The following SLC16A1 variants were observed in gnomAD, a reference collection of about 807,000 sequenced individuals.
The protein encoded by SLC16A1 is monocarboxylate transporter 1.
A neutral mutation model predicts 32.2 loss-of-function variants in SLC16A1; 11 were observed. The ratio of observed to expected loss-of-function variants is 0.34; its 90% CI spans 0.21 to 0.56. The LOEUF is 0.56. SLC16A1 is among the 20% of genes least tolerant of loss of function. The pLI is 0.87. For missense variants in SLC16A1, 435 were observed against 615.0 expected (o/e 0.71, Z 3.10); for synonymous variants, 231 against 226.8 (o/e 1.02, Z -0.17).
intron 1 of SLC16A1, chr1:112,955,450 C>T (rs1192194453): frequency 6.6e-6 from 1 of 152,282 alleles, no homozygotes; most frequent in African/African-American, 2.4e-5. Context: ...GCTGCCCCGT[C>T]CCCTCCGCAA....
At chr1:112,950,418 G>C (rs1049597186) in intron 1 of SLC16A1, among the ~76,000 whole-genome samples, 22 of 152,118 alleles carry the variant, frequency 1.4e-4, no homozygotes, top group Admixed American at 1.4e-3. Context: ...AAAATCAGAA[G>C]GAAGACATAT....
chr1:112,914,177 A>C lies in SLC16A1; in HGVS notation c.1229-12T>G, dbSNP rs767004172. ...GTCATTGAGCCGACCTAAATATGTA[A>C]AACAACACAAACAGTTGTTTCTAAG... On this transcript the variant is annotated splice_polypyrimidine_tract_variant and intron_variant, in intron 4 of 4. Transcript: ENST00000369626. The C allele has an allele frequency of 4.3e-6, 7 of 1,614,100 alleles. No individual in the cohort carries two copies. The South Asian group carries it at 6.6e-5, about 15-fold the overall frequency.
chr1:112,944,818 G>C (rs150585728), intron 1 of SLC16A1, among the ~76,000 whole-genome samples: 181 of 151,998 alleles, frequency 1.2e-3, no homozygotes, highest in African/African-American at 4.2e-3. Flanking sequence ...TAAGCCCCAC[G>C]AGTAGCTGGG....
chr1:112,917,016 A>G lies in SLC16A1; in HGVS notation c.1228+162T>C. The G allele has an allele frequency of 1.2e-6, 1 of 863,330 alleles. No individual in the cohort carries two copies. The highest frequency in any genetic ancestry group is 2.0e-5 in the Admixed American group (1 of 49,200). 53.5% of individuals were successfully genotyped at this position (863,330 alleles called of 1,614,324 possible). ...TCCATTTAATTAGATTCTATATTTG[A>G]GCAATTATGCTGTGCCAAGCATTGT... On this transcript the variant is annotated intron_variant, in intron 4 of 4. Transcript: ENST00000369626. The surrounding 1 kb of genome is among the most constrained non-coding windows in gnomAD (Gnocchi z 4.1).
Position 112,917,022 on chromosome 1 carries a change from T to C in SLC16A1, c.1228+156A>G. Reference sequence around the variant, plus strand: ...TAATTAGATTCTATATTTGAGCAATTATGCTGTGCCAAGCATTGTCCCAGC... The same window carrying C: ...TAATTAGATTCTATATTTGAGCAATCATGCTGTGCCAAGCATTGTCCCAGC... On this transcript the variant is annotated intron_variant, in intron 4 of 4. Coordinates refer to ENST00000369626, the MANE Select transcript of SLC16A1 (RefSeq NM_003051.4). This position sits in a 1 kb window ranked among gnomAD's most constrained non-coding sequence, Gnocchi z 4.1. 1 of 917,404 alleles carries C rather than the reference T, an allele frequency of 1.1e-6. No individual in the cohort carries two copies. 56.8% of individuals were successfully genotyped at this position (917,404 alleles called of 1,614,324 possible).
At chr1:112,929,440 T>TACCAATA in intron 1 of SLC16A1, 88 bp from the exon 2 acceptor site, 1 of 768,838 alleles carries the variant, frequency 1.3e-6, no homozygotes, top group Non-Finnish European at 2.2e-6. Context: ...CCAATCGTGG[T>TACCAATA]GGATCATGCC....
intron 1 of SLC16A1, among the ~76,000 whole-genome samples, chr1:112,943,401 T>G (rs1649579257): frequency 6.6e-6 from 1 of 152,116 alleles, no homozygotes; most frequent in Non-Finnish European, 1.5e-5. Flanking sequence ...AAAGAAAGAT[T>G]TGTAGAAGGG....
intron 2 of SLC16A1, chr1:112,923,806 T>A: frequency 6.7e-7 from 1 of 1,494,472 alleles, no homozygotes; most frequent in East Asian, 2.3e-5. Flanking sequence ...GTGGCCAAGA[T>A]CTGTAACCTC....
chr1:112,936,302 G>A (rs1203016503), intron 1 of SLC16A1, among the ~76,000 whole-genome samples: 1 of 151,968 alleles, frequency 6.6e-6, no homozygotes. Context: ...GAGGTCAGGA[G>A]TTCGAGACCT....
chr1:112,943,294 G>A (rs573792013), intron 1 of SLC16A1, among the ~76,000 whole-genome samples: 1 of 152,128 alleles, frequency 6.6e-6, no homozygotes, highest in East Asian at 1.9e-4. Flanking sequence ...GGTGGCGTGC[G>A]CCCGGAGTCC....
intron 2 of SLC16A1, chr1:112,923,531 C>T (rs1056526100): frequency 1.0e-5 from 11 of 1,095,658 alleles, no homozygotes; most frequent in African/African-American, 4.6e-5. Flanking sequence ...TCGTGTACAG[C>T]GACAGCCAGT....
rs148010440 is a variant in SLC16A1 at position 112,938,246 on chromosome 1, A to C, written c.-44-8894T>G. 2.7e-3 allele frequency among the ~76,000 whole-genome samples: 409 copies of C among 152,318 alleles called. 3 individuals are homozygous for C. Among genetic ancestry groups the C allele is most frequent in the Non-Finnish European group, 5.1e-3 (344 of 68,034 alleles). Reference sequence around the variant, plus strand: ...CTAGTTTTAGGTTTCAAACACATGGAAACATTCAAATCCAGAAAGGCTGAT... The same window carrying C: ...CTAGTTTTAGGTTTCAAACACATGGCAACATTCAAATCCAGAAAGGCTGAT... On this transcript the variant is annotated intron_variant, in intron 1 of 4. Coordinates refer to ENST00000369626, the MANE Select transcript of SLC16A1 (RefSeq NM_003051.4).
At chr1:112,927,912 T>C (rs975776491) in intron 2 of SLC16A1, among the ~76,000 whole-genome samples, 6 of 152,116 alleles carry the variant, frequency 3.9e-5, no homozygotes, top group African/African-American at 1.2e-4. Flanking sequence ...CTGGGTAATG[T>C]TTATACCAAT....
At chr1:112,946,454 T>C (rs1472866654) in intron 1 of SLC16A1, among the ~76,000 whole-genome samples, 1 of 151,678 alleles carries the variant, frequency 6.6e-6, no homozygotes, top group Non-Finnish European at 1.5e-5. Context: ...TAGAGAAAAA[T>C]ATGAAACCAG....
At chr1:112,949,499 G>A (rs1303228302) in intron 1 of SLC16A1, among the ~76,000 whole-genome samples, 1 of 152,178 alleles carries the variant, frequency 6.6e-6, no homozygotes, top group Non-Finnish European at 1.5e-5. Context: ...ATGGCATCAT[G>A]ATTCTGTAGA....
At chr1:112,918,604 C>T (rs1648602947) in intron 3 of SLC16A1, among the ~76,000 whole-genome samples, 1 of 152,076 alleles carries the variant, frequency 6.6e-6, no homozygotes, top group Admixed American at 6.6e-5. Context: ...CATTCAAGAC[C>T]ACCTTGGGCA....
chr1:112,917,570 G>T lies in SLC16A1; in HGVS notation c.836C>A (p.Ala279Glu). 1 of 1,614,210 alleles carries T rather than the reference G, an allele frequency of 6.2e-7. No individual in the cohort carries two copies. Among genetic ancestry groups the T allele is most frequent in the South Asian group, 1.1e-5 (1 of 91,088 alleles). ...GNVIMFFGLF[A>E]PLVFLSSYGK... Reference sequence around the variant, plus strand: ...ATAACTACTAAGAAACACCAAAGGTGCAAAGAGTCCAAAAAACATGATCAC... The same window carrying T: ...ATAACTACTAAGAAACACCAAAGGTTCAAAGAGTCCAAAAAACATGATCAC... The change falls in exon 4 of 5, where the codon GCA (alanine) becomes GAA (glutamate). Residue 279 changes from alanine to glutamate, a missense_variant. By Grantham distance (107) the Ala-to-Glu change is moderately radical (BLOSUM62 -1). This residue lies in a region of SLC16A1 where 324 missense variants were observed against 500.3 expected (regional missense o/e 0.65). Coordinates refer to ENST00000369626, the MANE Select transcript of SLC16A1 (RefSeq NM_003051.4). The surrounding 1 kb of genome is among the most constrained non-coding windows in gnomAD (Gnocchi z 4.1).
At chr1:112,947,692 CTAA>C (rs1454228795) in intron 1 of SLC16A1, among the ~76,000 whole-genome samples, 1 of 152,178 alleles carries the variant, frequency 6.6e-6, no homozygotes, top group African/African-American at 2.4e-5. Context: ...TAATAACTTT[CTAA>C]TAACTGCTTG....
At chr1:112,943,078 T>C (rs958398592) in intron 1 of SLC16A1, among the ~76,000 whole-genome samples, 3 of 152,186 alleles carry the variant, frequency 2.0e-5, no homozygotes, top group Admixed American at 2.0e-4. Context: ...CTTACATCAT[T>C]TGTTCAACCA....
Sources: allele counts gnomAD v4.1 joint callset (sites outside exome capture counted in the v4.1 genomes callset), GRCh38; gene constraint gnomAD v4.1.1; regional missense constraint gnomAD v4.1.1; non-coding constraint Gnocchi (gnomAD v3.1); transcripts MANE v1.5; gene names NCBI Gene and HGNC (gene_info 2026-07-23, HGNC 2026-07-21).